The following STAG1 variants were observed in gnomAD, a reference collection of about 807,000 sequenced individuals.
STAG1 encodes cohesin subunit SA-1.
STAG1 carries 26 observed loss-of-function variants against 170.9 expected under a neutral mutation model. The observed-to-expected ratio is 0.15, with a 90% CI of 0.11 to 0.21. The LOEUF (loss-of-function observed/expected upper bound fraction) is 0.21. Ranked by LOEUF, STAG1 falls within the 10% of genes least tolerant of loss-of-function variation. STAG1 has a pLI of 1.00. For synonymous variants in STAG1, 514 were observed against 497.7 expected (o/e 1.03, Z -0.44); for missense variants, 964 against 1,509.5 (o/e 0.64, Z 5.99).
intron 1 of STAG1, among the ~76,000 whole-genome samples, chr3:136,668,295 AATAT>A (rs1340764284): frequency 6.8e-6 from 1 of 146,964 alleles, no homozygotes; most frequent in Non-Finnish European, 1.5e-5. Context: ...CATGATATAT[AATAT>A]ATATTATACA....
At chr3:136,361,426 A>G (rs533561948) in intron 26 of STAG1, among the ~76,000 whole-genome samples, 5 of 152,296 alleles carry the variant, frequency 3.3e-5, no homozygotes, top group African/African-American at 1.2e-4. Context: ...ATCCATGTAG[A>G]TACCTAGAAG....
At chr3:136,393,301 T>C (rs923317280) in intron 22 of STAG1, among the ~76,000 whole-genome samples, 1 of 152,274 alleles carries the variant, frequency 6.6e-6, no homozygotes, top group African/African-American at 2.4e-5. Context: ...AAGTCCTCCA[T>C]ATACTGTTAG....
At chr3:136,588,438 T>A (rs1937957355) in intron 4 of STAG1, among the ~76,000 whole-genome samples, 1 of 152,066 alleles carries the variant, frequency 6.6e-6, no homozygotes, top group African/African-American at 2.4e-5. Flanking sequence ...CCTCCCAGAT[T>A]CAGGCAATCC....
intron 32 of STAG1, among the ~76,000 whole-genome samples, chr3:136,338,996 T>C (rs1935827568): frequency 6.6e-6 from 1 of 152,230 alleles, no homozygotes; most frequent in Admixed American, 6.5e-5. Flanking sequence ...GCTGAAGTCC[T>C]AATCCAGTAC....
chr3:136,367,916 ATGAT>A (rs1382553019), intron 24 of STAG1, among the ~76,000 whole-genome samples: 2 of 152,160 alleles, frequency 1.3e-5, no homozygotes, highest in African/African-American at 4.8e-5. Flanking sequence ...AAGACTCCAG[ATGAT>A]AACATTTGTT....
intron 1 of STAG1, among the ~76,000 whole-genome samples, chr3:136,681,458 T>G (rs575102425): frequency 6.6e-6 from 1 of 152,216 alleles, no homozygotes; most frequent in African/African-American, 2.4e-5. Context: ...AAAAATACAC[T>G]CCCTTAACTC....
At chr3:136,398,567 T>C (rs1223042147) in intron 22 of STAG1, among the ~76,000 whole-genome samples, 182 bp downstream of exon 22, 2 of 151,910 alleles carry the variant, frequency 1.3e-5, no homozygotes. Context: ...TTTTGGCTCT[T>C]CCCAAAGAGG....
intron 13 of STAG1, among the ~76,000 whole-genome samples, chr3:136,454,983 T>G (rs985006501): frequency 6.6e-6 from 1 of 152,136 alleles, no homozygotes; most frequent in Non-Finnish European, 1.5e-5. Flanking sequence ...GGAAGAATGA[T>G]AAAAGAGATC....
intron 1 of STAG1, among the ~76,000 whole-genome samples, chr3:136,665,866 G>A (rs1192138128): frequency 6.6e-6 from 1 of 150,962 alleles, no homozygotes; most frequent in East Asian, 1.9e-4. Flanking sequence ...ATGAGGTCAG[G>A]AGATCGAGAC....
intron 6 of STAG1, 65 bp from the exon 7 acceptor site, chr3:136,521,482 T>G: frequency 6.9e-7 from 1 of 1,458,064 alleles, no homozygotes; most frequent in South Asian, 1.2e-5. Flanking sequence ...AGCTTTTTTT[T>G]TCTTCCTACC....
At chr3:136,496,911 TGGGAGAGAGAGA>T (rs562754692) in intron 9 of STAG1, among the ~76,000 whole-genome samples, 189 of 135,088 alleles carry the variant, frequency 1.4e-3, no homozygotes, top group African/African-American at 4.6e-3. Context: ...GGAAAAGGAG[TGGGAGAGAGAGA>T]GGGAGAGAGA....
chr3:136,493,221 TAGTCCCAGCTACTCAGG>T (rs1274936054), intron 9 of STAG1, among the ~76,000 whole-genome samples: 1 of 152,056 alleles, frequency 6.6e-6, no homozygotes, highest in African/African-American at 2.4e-5. Context: ...TGTGTGCCTG[TAGTCCCAGCTACTCAGG>T]AGGCTGAGGT....
intron 6 of STAG1, among the ~76,000 whole-genome samples, chr3:136,522,270 T>A (rs927045070): frequency 2.0e-5 from 3 of 152,300 alleles, no homozygotes; most frequent in East Asian, 1.9e-4. Flanking sequence ...GAAAGAGAAC[T>A]AGTGTGATAT....
intron 7 of STAG1, among the ~76,000 whole-genome samples, chr3:136,516,083 A>G (rs1934359586): frequency 1.3e-5 from 2 of 152,218 alleles, no homozygotes; most frequent in Non-Finnish European, 2.9e-5. Context: ...TACATGGTCT[A>G]TTCTTTGATA....
chr3:136,604,255 A>G, intron 4 of STAG1, 54 bp downstream of exon 4: 1 of 1,520,392 alleles, frequency 6.6e-7, no homozygotes, highest in Non-Finnish European at 8.9e-7. Context: ...AACTGATTCC[A>G]CCCAAGTTAT....
intron 3 of STAG1, among the ~76,000 whole-genome samples, chr3:136,615,502 C>T (rs1307365371): frequency 2.0e-5 from 3 of 149,396 alleles, no homozygotes; most frequent in Admixed American, 6.7e-5. Context: ...TATTCGTGGC[C>T]GGTCGGTGGC....
intron 22 of STAG1, among the ~76,000 whole-genome samples, chr3:136,389,661 A>G (rs1163713927): frequency 6.6e-5 from 10 of 151,950 alleles, no homozygotes; most frequent in Admixed American, 6.6e-4. Flanking sequence ...CTGGGATTAC[A>G]GGCGTGTGCC....
At chr3:136,414,246 T>G (rs1286950242) in intron 21 of STAG1, among the ~76,000 whole-genome samples, 1 of 152,230 alleles carries the variant, frequency 6.6e-6, no homozygotes, top group Non-Finnish European at 1.5e-5. Flanking sequence ...TTTGACAACA[T>G]TTTCTCCACA....
intron 4 of STAG1, among the ~76,000 whole-genome samples, chr3:136,602,212 C>T (rs1220862251): frequency 6.6e-6 from 1 of 151,866 alleles, no homozygotes; most frequent in Non-Finnish European, 1.5e-5. Context: ...AGCCCCGTCT[C>T]TACTAAAAAT....
Sources: gnomAD v4.1 joint callset for allele counts (sites outside exome capture counted in the v4.1 genomes callset) on GRCh38, gnomAD v4.1.1 for gene constraint, MANE v1.5 for transcripts, NCBI Gene and HGNC (gene_info 2026-07-23, HGNC 2026-07-21) for gene names.